Variants in MAPK10 observed in about 807,000 individuals in gnomAD.
MAPK10 encodes mitogen-activated protein kinase 10, also known as JNK3 alpha protein kinase.
A neutral mutation model predicts 59.3 loss-of-function variants in MAPK10; 25 were observed. The ratio of observed to expected loss-of-function variants is 0.42; its 90% CI spans 0.31 to 0.59. MAPK10 has a LOEUF of 0.59. Among genes scored for constraint, MAPK10 ranks in the 20% least tolerant of loss-of-function variants. The pLI is 0.15. For synonymous variants in MAPK10, 190 were observed against 200.5 expected (o/e 0.95, Z 0.44); for missense variants, 351 against 568.9 (o/e 0.62, Z 3.90).
chr4:86,513,002 A>G (rs1756392186), intron 1 of MAPK10, among the ~76,000 whole-genome samples: 1 of 152,182 alleles, frequency 6.6e-6, no homozygotes, highest in African/African-American at 2.4e-5. Context: ...GTGACATTAA[A>G]AGTTAACAAT....
At chr4:86,446,056 C>G (rs7698396) in intron 1 of MAPK10, among the ~76,000 whole-genome samples, 3 of 151,986 alleles carry the variant, frequency 2.0e-5, no homozygotes, top group African/African-American at 7.2e-5. Flanking sequence ...ATTTGATGAT[C>G]GATTATAGCT....
At chr4:86,205,114 C>T (rs568372229) in intron 2 of MAPK10, among the ~76,000 whole-genome samples, 44 of 151,726 alleles carry the variant, frequency 2.9e-4, no homozygotes, top group Non-Finnish European at 5.2e-4. Context: ...AACACAGAGC[C>T]GTTGAAAGAG....
At chr4:86,419,393 G>T (rs981790516) in intron 1 of MAPK10, among the ~76,000 whole-genome samples, 6 of 151,794 alleles carry the variant, frequency 4.0e-5, no homozygotes, top group African/African-American at 1.5e-4. Flanking sequence ...TTATCTCTAT[G>T]GCATGATGTG....
intron 9 of MAPK10, among the ~76,000 whole-genome samples, chr4:86,093,888 ATATT>A (rs2053709146): frequency 6.6e-6 from 1 of 151,814 alleles, no homozygotes; most frequent in Admixed American, 6.6e-5. Context: ...TTATTTTTAA[ATATT>A]TATTTATAAT....
intron 1 of MAPK10, among the ~76,000 whole-genome samples, chr4:86,525,541 C>A (rs1045408350): frequency 6.6e-6 from 1 of 152,136 alleles, no homozygotes; most frequent in Non-Finnish European, 1.5e-5. Flanking sequence ...CAAAGTTATT[C>A]CTGGCTAACA....
chr4:86,027,120 T>C (rs1468505271), intron 13 of MAPK10: 1 of 152,178 alleles, frequency 6.6e-6, no homozygotes, highest in Non-Finnish European at 1.5e-5. Flanking sequence ...CATCCCATAA[T>C]GTGTAGCATA....
At chr4:86,454,030 C>A (rs555796049), upstream of MAPK10, among the ~76,000 whole-genome samples, 8 of 152,134 alleles carry the variant, frequency 5.3e-5, no homozygotes, top group African/African-American at 1.9e-4. Context: ...CACTACAGCT[C>A]GGCTTTCAGG....
At chr4:86,555,213 C>T (rs574207327) in intron 1 of MAPK10, among the ~76,000 whole-genome samples, 11 of 152,168 alleles carry the variant, frequency 7.2e-5, no homozygotes, top group African/African-American at 1.2e-4. Context: ...TTTGGGAGGC[C>T]GAGGTGGGTG....
intron 1 of MAPK10, among the ~76,000 whole-genome samples, chr4:86,520,953 G>A (rs918616152): frequency 2.6e-5 from 4 of 152,218 alleles, no homozygotes; most frequent in African/African-American, 9.6e-5. Flanking sequence ...AAAGAGTCAT[G>A]TGATGTGATC....
intron 1 of MAPK10, among the ~76,000 whole-genome samples, chr4:86,372,568 G>GA (rs1554253761): frequency 0.019 from 540 of 29,082 alleles, 20 homozygotes; most frequent in South Asian, 0.04. Flanking sequence ...AAGAAAGAAA[G>GA]AAAAGAAAAG....
chr4:86,121,918 C>G (rs1423159413), intron 4 of MAPK10, among the ~76,000 whole-genome samples: 1 of 152,110 alleles, frequency 6.6e-6, no homozygotes, highest in Admixed American at 6.6e-5. Flanking sequence ...ATTCTATTCT[C>G]TACTTCTCTA....
chr4:86,584,264 C>T lies in MAPK10; in HGVS notation c.-263+9646G>A, dbSNP rs1578183521. ...CACTGAGAGACAATCCCTACAACAT[C>T]AAGATTAATTCTGTCACAGAGGGTA... On this transcript the variant is annotated intron_variant, in intron 1 of 4. Transcript: ENST00000502302. Among the ~76,000 whole-genome samples, 5 of 152,182 alleles carry T rather than the reference C, an allele frequency of 3.3e-5. No individual in the cohort carries two copies. The Middle Eastern group carries it at 0.014, about 414-fold the overall frequency.
intron 1 of MAPK10, among the ~76,000 whole-genome samples, chr4:86,419,212 G>A (rs1746205717): frequency 6.6e-6 from 1 of 152,104 alleles, no homozygotes; most frequent in African/African-American, 2.4e-5. Context: ...CTATAAAAAT[G>A]TGTCATTTTC....
chr4:86,199,657 C>T (rs113453809), intron 2 of MAPK10, among the ~76,000 whole-genome samples: 21 of 152,092 alleles, frequency 1.4e-4, no homozygotes, highest in African/African-American at 4.3e-4. Flanking sequence ...GTGGGGTTCA[C>T]ACATGTTTGT....
chr4:86,351,390 TACACAAACACACACAC>T (rs1399011278), intron 2 of MAPK10, among the ~76,000 whole-genome samples: 2 of 110,320 alleles, frequency 1.8e-5, no homozygotes, highest in African/African-American at 6.0e-5. Context: ...ACAGTGTGTA[TACACAAACACACACAC>T]ACACACACAC....
chr4:86,335,605 C>T (rs1308075901), intron 2 of MAPK10, among the ~76,000 whole-genome samples: 3 of 151,508 alleles, frequency 2.0e-5, no homozygotes, highest in Admixed American at 2.0e-4. Context: ...TAATATAGTA[C>T]TGTATTAGTT....
In MAPK10 at chr4:86,568,241, G is replaced by C. The variant is rs374796453; in HGVS notation, c.-263+25669C>G. ...ACCCAGAAATATATTTTACCAATGA[G>C]GTGAAAAATCTCTACAAGAAAAACT... On this transcript the variant is annotated intron_variant, in intron 1 of 4. Coordinates refer to the MAPK10 transcript ENST00000502302. Among the ~76,000 whole-genome samples, 121 of 152,040 alleles carry C rather than the reference G, an allele frequency of 8.0e-4. 2 individuals carry two copies. The South Asian group carries it at 0.025, about 31-fold the overall frequency.
chr4:86,034,094 G>A (rs2039675506), intron 11 of MAPK10, among the ~76,000 whole-genome samples: 1 of 152,212 alleles, frequency 6.6e-6, no homozygotes, highest in South Asian at 2.1e-4. Context: ...AAATGCCCCA[G>A]AGGTGTCTGT....
Position 86,056,043 on chromosome 4 carries a change from G to A in MAPK10, c.1110+8223C>T, listed in dbSNP as rs1421367609. Among the ~76,000 whole-genome samples the A allele has an allele frequency of 2.0e-5, 3 of 150,002 alleles. No homozygotes were observed. The East Asian group carries it at 5.8e-4, about 29-fold the overall frequency. On this transcript the variant is annotated intron_variant, in intron 11 of 13. Coordinates refer to ENST00000641462, the MANE Select transcript of MAPK10 (RefSeq NM_138982.4). ...GGATTAGTTATTCAGAAATTGTCTT[G>A]AGGACATGCCCTAACCTTTTGATAT... is the stretch of plus-strand genomic sequence containing the variant.
Sources: gnomAD v4.1 joint callset for allele counts (sites outside exome capture counted in the v4.1 genomes callset) on GRCh38, gnomAD v4.1.1 for gene constraint, MANE v1.5 for transcripts, NCBI Gene and HGNC (gene_info 2026-07-23, HGNC 2026-07-21) for gene names.